The following OR2L13 variants were observed in gnomAD, a reference collection of about 807,000 sequenced individuals.
The protein encoded by OR2L13 is olfactory receptor 2L13.
A neutral mutation model predicts 15.3 loss-of-function variants in OR2L13; 14 were observed. The ratio of observed to expected loss-of-function variants is 0.91; its 90% confidence interval spans 0.60 to 1.43. The LOEUF (loss-of-function observed/expected upper bound fraction) is 1.43. OR2L13 is among the 40% of genes most tolerant of loss of function. The pLI is 0.00. For synonymous variants in OR2L13, 152 were observed against 142.9 expected (o/e 1.06, Z -0.45); for missense variants, 367 against 387.9 (o/e 0.95, Z 0.45).
chr1:248,043,543 A>G, the OR2L13 span, among the ~76,000 whole-genome samples: 1 of 152,098 alleles, frequency 6.6e-6, no homozygotes, highest in Non-Finnish European at 1.5e-5. Flanking sequence ...CGGTGGCCCT[A>G]TTTGGACAGA....
the OR2L13 span, among the ~76,000 whole-genome samples, chr1:248,021,232 A>C: frequency 6.6e-6 from 1 of 152,162 alleles, no homozygotes; most frequent in Admixed American, 6.5e-5. Flanking sequence ...CTTAGAAAAA[A>C]TTTTGGTTAT....
chr1:247,966,941 C>G, the OR2L13 span, among the ~76,000 whole-genome samples: 1 of 152,038 alleles, frequency 6.6e-6, no homozygotes, highest in Non-Finnish European at 1.5e-5. Context: ...TGACAGGTGG[C>G]AGTAGAAAAG....
chr1:248,096,256 G>A (rs141487460), upstream of OR2L13, among the ~76,000 whole-genome samples: 1,899 of 151,918 alleles, frequency 0.013, 49 homozygotes, highest in African/African-American at 0.043. Context: ...GGTGGTGGGC[G>A]CCTGTAGTCC....
chr1:248,015,772 T>C, the OR2L13 span, among the ~76,000 whole-genome samples: 1 of 152,262 alleles, frequency 6.6e-6, no homozygotes, highest in Admixed American at 6.5e-5. Flanking sequence ...TCCCTTCCTA[T>C]TTTTTTGGTA....
chr1:248,030,321 G>C, the OR2L13 span: 1 of 152,282 alleles, frequency 6.6e-6, no homozygotes, highest in Admixed American at 6.5e-5. Context: ...CTTTGTTTCA[G>C]AAATAGAATT....
the OR2L13 span, among the ~76,000 whole-genome samples, chr1:248,002,124 T>A: frequency 1.3e-5 from 2 of 152,350 alleles, no homozygotes; most frequent in Admixed American, 6.5e-5. Context: ...AATTTTTTTT[T>A]AATTACCAAT....
At chr1:248,039,400 T>C in the OR2L13 span, 1 of 413,996 alleles carries the variant, frequency 2.4e-6, no homozygotes, top group Non-Finnish European at 4.1e-6. Flanking sequence ...TTTGATTTTG[T>C]TTGTGTGTGG....
the OR2L13 span, among the ~76,000 whole-genome samples, chr1:247,967,301 TC>T: frequency 6.6e-6 from 1 of 152,176 alleles, no homozygotes; most frequent in Admixed American, 6.5e-5. Context: ...TGAGCTTGGC[TC>T]ACTGCAACCT....
chr1:248,006,258 TG>T, the OR2L13 span, among the ~76,000 whole-genome samples: 1 of 141,794 alleles, frequency 7.1e-6, no homozygotes, highest in South Asian at 2.1e-4. Flanking sequence ...TGTGTGTGTG[TG>T]TGTGTGTGTG....
chr1:247,993,249 T>C, the OR2L13 span, among the ~76,000 whole-genome samples: 12 of 152,186 alleles, frequency 7.9e-5, no homozygotes, highest in African/African-American at 2.9e-4. Flanking sequence ...TTGATTTATT[T>C]AACTTCCCTA....
At chr1:248,023,326 C>CT in the OR2L13 span, 1 of 152,162 alleles carries the variant, frequency 6.6e-6, no homozygotes, top group African/African-American at 2.4e-5. Flanking sequence ...CCTCTTTTTG[C>CT]TAAAGTAATG....
At chr1:248,098,797 A>T (rs1180891161) in intron 2 of OR2L13, 22 bp downstream of exon 2, 1 of 152,566 alleles carries the variant, frequency 6.6e-6, no homozygotes, top group Admixed American at 6.5e-5. Context: ...AGTCACACAG[A>T]TGTTAGAAAT....
the OR2L13 span, chr1:248,038,581 CT>C: frequency 1.6e-5 from 26 of 1,614,190 alleles, no homozygotes; most frequent in Non-Finnish European, 2.1e-5. Context: ...TTCTTCTTGA[CT>C]TTAGCAGTTG....
the OR2L13 span, among the ~76,000 whole-genome samples, chr1:247,959,750 G>C: frequency 6.6e-6 from 1 of 152,208 alleles, no homozygotes; most frequent in Non-Finnish European, 1.5e-5. Context: ...ACTGAGGCTT[G>C]TGCATTCGTC....
the OR2L13 span, chr1:247,980,911 T>C: frequency 6.6e-6 from 1 of 152,180 alleles, no homozygotes; most frequent in Non-Finnish European, 1.5e-5. Context: ...GCAGTGTGTG[T>C]TTGAAATTGA....
At chr1:248,068,257 C>T in the OR2L13 span, among the ~76,000 whole-genome samples, 3 of 152,086 alleles carry the variant, frequency 2.0e-5, no homozygotes, top group African/African-American at 2.4e-5. Flanking sequence ...CCAGTAGGGG[C>T]AGACTGACAC....
chr1:248,074,233 G>C, the OR2L13 span, among the ~76,000 whole-genome samples: 2 of 152,160 alleles, frequency 1.3e-5, no homozygotes, highest in African/African-American at 2.4e-5. Flanking sequence ...TGCTGAACTT[G>C]ATTATTCTCT....
upstream of OR2L13, among the ~76,000 whole-genome samples, chr1:248,090,638 A>G (rs1217962576): frequency 6.6e-6 from 1 of 152,198 alleles, no homozygotes; most frequent in Non-Finnish European, 1.5e-5. Context: ...GTGGCTGCAT[A>G]GTATTTCGTG....
the OR2L13 span, chr1:247,980,792 T>C: frequency 2.0e-5 from 3 of 152,160 alleles, no homozygotes; most frequent in African/African-American, 7.2e-5. Flanking sequence ...AAATCTCAAG[T>C]GTAGGGATGA....
Sources: allele counts gnomAD v4.1 joint callset (sites outside exome capture counted in the v4.1 genomes callset), GRCh38; gene constraint gnomAD v4.1.1; transcripts MANE v1.5; gene names NCBI Gene and HGNC (gene_info 2026-07-23, HGNC 2026-07-21).